ANK3: variants seen among roughly 807,000 people sequenced by gnomAD.
ANK3 encodes ankyrin-3.
In ANK3, 57 loss-of-function variants were observed where a neutral mutation model predicts 370.9. That is an observed-to-expected ratio of 0.15 (90% CI 0.12 to 0.19). The LOEUF (loss-of-function observed/expected upper bound fraction) is 0.19, where lower values mean the gene tolerates loss of function less well. Ranked by LOEUF, ANK3 falls within the 10% of genes least tolerant of loss-of-function variation. The pLI, the probability that ANK3 is intolerant of heterozygous loss-of-function variation, is 1.00. For missense variants in ANK3, 4,439 were observed against 5,302.1 expected (o/e 0.84, Z 5.06); for synonymous variants, 1,929 against 1,946.3 (o/e 0.99, Z 0.23).
At chr10:60,589,697 C>A (rs1285907248) in intron 2 of ANK3, among the ~76,000 whole-genome samples, 1 of 152,162 alleles carries the variant, frequency 6.6e-6, no homozygotes, top group Non-Finnish European at 1.5e-5. Context: ...TATGCCCAAC[C>A]AGAAATAAAA....
chr10:60,102,832 AG>A (rs2091510289), intron 28 of ANK3, among the ~76,000 whole-genome samples: 1 of 152,218 alleles, frequency 6.6e-6, no homozygotes, highest in Non-Finnish European at 1.5e-5. Context: ...TCTATGGAGA[AG>A]GGGGTTGAAA....
intron 23 of ANK3, chr10:60,144,325 C>A: frequency 3.1e-6 from 1 of 318,326 alleles, no homozygotes; most frequent in Non-Finnish European, 6.0e-6. Flanking sequence ...CTCTGTAGTG[C>A]ATTAAATGAT....
rs143949141 is a variant in ANK3 at position 60,687,527 on chromosome 10, TAA to T, written c.57+45734_57+45735del. On this transcript the variant is annotated intron_variant, in intron 1 of 43. Transcript: ENST00000373827. ...CCGCCTCACATGCATTAGGCTGGTA[TAA>T]AAAAAAACACACACACACACACACA... 1.0e-3 allele frequency among the ~76,000 whole-genome samples: 149 copies of T among 146,840 alleles called. 1 individual carries two copies. Among genetic ancestry groups the T allele is most frequent in the South Asian group, 2.3e-3 (11 of 4,748 alleles).
intron 2 of ANK3, among the ~76,000 whole-genome samples, chr10:60,444,063 A>C (rs1292573314): frequency 1.3e-5 from 2 of 152,190 alleles, no homozygotes; most frequent in South Asian, 4.1e-4. Context: ...CATTAAAAAA[A>C]CATGAAAATA....
chr10:60,265,582 T>A (rs939671821), intron 5 of ANK3, among the ~76,000 whole-genome samples: 5 of 151,852 alleles, frequency 3.3e-5, no homozygotes, highest in African/African-American at 4.8e-5. Flanking sequence ...ATTTTTTTTT[T>A]AACTAGAGAA....
At chr10:60,357,729 C>T (rs567639369) in intron 1 of ANK3, among the ~76,000 whole-genome samples, 1 of 152,206 alleles carries the variant, frequency 6.6e-6, no homozygotes, top group South Asian at 2.1e-4. Flanking sequence ...AATCTTTCTC[C>T]ATTCTTTAAA....
chr10:60,433,146 G>T (rs1189454923), intron 2 of ANK3, among the ~76,000 whole-genome samples: 2 of 130,792 alleles, frequency 1.5e-5, no homozygotes, highest in Non-Finnish European at 3.5e-5. Flanking sequence ...GACATACAAA[G>T]AACAACACTG....
chr10:60,469,020 CCACTTTTAGTGTATAT>C (rs2065084857), intron 2 of ANK3, among the ~76,000 whole-genome samples: 5 of 26,198 alleles, frequency 1.9e-4, no homozygotes, highest in African/African-American at 7.1e-4. Flanking sequence ...TATATATATA[CCACTTTTAGTGTATAT>C]ATATATATAT....
intron 23 of ANK3, among the ~76,000 whole-genome samples, chr10:60,145,390 T>C (rs1774942158): frequency 6.6e-6 from 1 of 152,156 alleles, no homozygotes; most frequent in African/African-American, 2.4e-5. Flanking sequence ...GCTTATCCTT[T>C]AAAAAGTGAT....
chr10:60,180,790 A>G (rs1390142135), intron 18 of ANK3, among the ~76,000 whole-genome samples: 1 of 147,546 alleles, frequency 6.8e-6, no homozygotes. Flanking sequence ...GTGGCATTAT[A>G]TAAGATTAAT....
At chr10:60,591,885 C>T (rs183962020) in intron 2 of ANK3, among the ~76,000 whole-genome samples, 1 of 152,072 alleles carries the variant, frequency 6.6e-6, no homozygotes, top group Admixed American at 6.6e-5. Flanking sequence ...GTCAATTAAA[C>T]GCATGGACAT....
intron 2 of ANK3, among the ~76,000 whole-genome samples, chr10:60,437,538 A>G (rs891422453): frequency 6.6e-6 from 1 of 152,200 alleles, no homozygotes; most frequent in African/African-American, 2.4e-5. Context: ...CCTGGCACTG[A>G]AGAGGGACTT....
At chr10:60,298,193 T>C (rs2042946071) in intron 1 of ANK3, among the ~76,000 whole-genome samples, 1 of 152,194 alleles carries the variant, frequency 6.6e-6, no homozygotes. Flanking sequence ...TAGGTTTTTT[T>C]CATGAGCATT....
At chr10:60,239,391 A>C (rs893295554) in intron 7 of ANK3, among the ~76,000 whole-genome samples, 4 of 152,124 alleles carry the variant, frequency 2.6e-5, no homozygotes, top group Non-Finnish European at 4.4e-5. Flanking sequence ...ATGGTAGCCC[A>C]AGGAAAAAAG....
At chr10:60,508,309 C>T (rs140005934) in intron 2 of ANK3, 7 of 152,716 alleles carry the variant, frequency 4.6e-5, no homozygotes, top group East Asian at 3.9e-4. Context: ...GCTCACCCAA[C>T]AAGCTTGCAA....
chr10:60,086,547 T>G, intron 30 of ANK3, 130 bp downstream of exon 30: 2 of 762,986 alleles, frequency 2.6e-6, no homozygotes, highest in Non-Finnish European at 4.0e-6. Flanking sequence ...AAGTAAAATG[T>G]TTTGTTCTTT....
intron 1 of ANK3, among the ~76,000 whole-genome samples, chr10:60,725,275 C>G (rs1231164011): frequency 6.6e-6 from 1 of 152,162 alleles, no homozygotes; most frequent in Non-Finnish European, 1.5e-5. Context: ...CGTGCACCCG[C>G]CATTTTTCCT....
chr10:60,070,392 T>G lies in ANK3; in HGVS notation c.10489A>C (p.Lys3497Gln). 1.2e-6 allele frequency: 2 copies of G among 1,614,150 alleles called. No homozygotes were observed. Among genetic ancestry groups the G allele is most frequent in the Non-Finnish European group, 1.7e-6 (2 of 1,180,014 alleles). ...SEKTPDKTDQ[K>Q]SGAQFFTLEG... ...AGTGTGAAGAACTGGGCCCCTGACT[T>G]CTGATCAGTCTTATCAGGAGTCTTT... The change falls in exon 37 of 44, where the codon AAG (lysine) becomes CAG (glutamine). Residue 3497 changes from lysine to glutamine, a missense_variant. This residue lies in a region of ANK3 where 1,601 missense variants were observed against 1,731.7 expected (regional missense o/e 0.92). Coordinates refer to ENST00000280772, the MANE Select transcript of ANK3 (RefSeq NM_020987.5). This position sits in a 1 kb window ranked among gnomAD's most constrained non-coding sequence, Gnocchi z 5.7.
At chr10:60,108,701 C>A in intron 27 of ANK3, 129 bp downstream of exon 27, 1 of 757,872 alleles carries the variant, frequency 1.3e-6, no homozygotes. Context: ...ACCTTTGACA[C>A]TTTACAAAAA....
Sources: gnomAD v4.1 joint callset for allele counts (sites outside exome capture counted in the v4.1 genomes callset) on GRCh38, gnomAD v4.1.1 for gene constraint, gnomAD v4.1.1 regional missense constraint, Gnocchi (gnomAD v3.1) non-coding constraint, MANE v1.5 for transcripts, NCBI Gene and HGNC (gene_info 2026-07-23, HGNC 2026-07-21) for gene names.